The following DNASE1L3 variants were observed in gnomAD, a reference collection of about 807,000 sequenced individuals.
DNASE1L3 encodes the protein deoxyribonuclease 1L3, also known as deoxyribonuclease gamma.
DNASE1L3 carries 27 observed loss-of-function variants against 30.9 expected under a neutral mutation model. The observed-to-expected ratio is 0.87, with a 90% confidence interval of 0.64 to 1.20. DNASE1L3 has a LOEUF of 1.20. Ranked by LOEUF, DNASE1L3 falls within the 50% of genes most tolerant of loss-of-function variation. The probability of loss-of-function intolerance (pLI) is 0.00; values close to 1 mark genes in which losing one functional copy is unlikely to be tolerated. For synonymous variants in DNASE1L3, 135 were observed against 138.0 expected (o/e 0.98, Z 0.15); for missense variants, 364 against 378.2 (o/e 0.96, Z 0.31).
chr3:58,205,019 G>T, intron 3 of DNASE1L3, 138 bp from the exon 4 acceptor site: 4 of 744,108 alleles, frequency 5.4e-6, no homozygotes, highest in Middle Eastern at 2.6e-4. Flanking sequence ...CTGAGAACAA[G>T]GCTAAGTCAA....
At chr3:58,193,589 C>G (rs968614192) in intron 6 of DNASE1L3, 150 bp from the exon 7 acceptor site, 32 of 644,564 alleles carry the variant, frequency 5.0e-5, no homozygotes, top group Non-Finnish European at 7.5e-5. Flanking sequence ...AGCCTGTGAC[C>G]CCAAAGGACA....
At chr3:58,195,613 CAAAAAAAAAAAAAAA>C (rs34773952) in intron 6 of DNASE1L3, among the ~76,000 whole-genome samples, 2 of 38,442 alleles carry the variant, frequency 5.2e-5, no homozygotes, top group Admixed American at 3.2e-4. Flanking sequence ...ACTAAAATTA[CAAAAAAAAAAAAAAA>C]AAAAAAAAAA....
chr3:58,192,699 G>C lies in DNASE1L3; in HGVS notation c.906C>G (p.Ser302Arg), dbSNP rs376419946. The change falls in exon 8 of 8, where the codon AGC becomes AGG. Residue 302 changes from serine (S) to arginine (R), a missense_variant. Transcript: ENST00000394549. This position sits in a 1 kb window ranked among gnomAD's most constrained non-coding sequence, Gnocchi z 4.8. Reference sequence around the variant, plus strand: ...GAGACCCTTGGGTCTAGGAGCGTTTGCTCTTTGTTTTCTTCCTTAGAGTGA... The same window carrying C: ...GAGACCCTTGGGTCTAGGAGCGTTTCCTCTTTGTTTTCTTCCTTAGAGTGA... ...KSVTLRKKTK[S>R]KRS is the part of the protein sequence containing the mutation. 19 of 1,614,018 alleles carry C rather than the reference G, an allele frequency of 1.2e-5. No homozygotes were observed. The highest frequency in any genetic ancestry group is 1.6e-5 in the Non-Finnish European group (19 of 1,179,952).
At position 58,197,799 on chromosome 3, in the gene DNASE1L3, A is replaced by G; in HGVS notation, c.704+22T>C. 13 of 1,613,076 alleles carry G rather than the reference A, an allele frequency of 8.1e-6. No individual in the cohort carries two copies. The highest frequency in any genetic ancestry group is 1.0e-5 in the Non-Finnish European group (12 of 1,179,940). On this transcript the variant is annotated intron_variant, in intron 6 of 7. Transcript: ENST00000394549. This position sits in a 1 kb window ranked among gnomAD's most constrained non-coding sequence, Gnocchi z 5.3. ...ACACCAAGCACTGTGGTGAGCCAGCAGCACCCTGCAGGGCCTCCTACCTGT... is the reference window on the plus strand; with the variant it reads ...ACACCAAGCACTGTGGTGAGCCAGCGGCACCCTGCAGGGCCTCCTACCTGT...
chr3:58,198,122 G>T (rs934291979), intron 5 of DNASE1L3, 144 bp from the exon 6 acceptor site: 2 of 916,844 alleles, frequency 2.2e-6, no homozygotes, highest in African/African-American at 1.7e-5. Context: ...CCCTGCTCCC[G>T]CCCCGGCCAA....
intron 1 of DNASE1L3, among the ~76,000 whole-genome samples, chr3:58,210,111 G>A (rs544916933): frequency 5.0e-4 from 76 of 150,994 alleles, no homozygotes; most frequent in African/African-American, 1.8e-3. Flanking sequence ...GGATGATGAG[G>A]ATGGGAGAGA....
At chr3:58,202,579 C>A (rs1458909415) in intron 4 of DNASE1L3, among the ~76,000 whole-genome samples, 1 of 151,774 alleles carries the variant, frequency 6.6e-6, no homozygotes, top group Non-Finnish European at 1.5e-5. Context: ...ATTGGCCAGG[C>A]GTGTTGGCTT....
chr3:58,207,957 T>C (rs1412919414), intron 2 of DNASE1L3: 5 of 396,798 alleles, frequency 1.3e-5, no homozygotes, highest in African/African-American at 1.0e-4. Flanking sequence ...CTGTACTTTT[T>C]AGCTCAGCCT....
chr3:58,197,847 C>G lies in DNASE1L3; in HGVS notation c.678G>C (p.Lys226Asn), dbSNP rs1347940978. 1 of 1,614,042 alleles carries G rather than the reference C, an allele frequency of 6.2e-7. No individual in the cohort carries two copies. The highest frequency in any genetic ancestry group is 8.5e-7 in the Non-Finnish European group (1 of 1,180,056). ...LIGDQEDTTVKKSTNCAYDRI... is the reference protein window; with the variant it reads ...LIGDQEDTTVNKSTNCAYDRI... ...TGTCATATGCACAGTTGGTGCTCTT[C>G]TTCACCGTGGTGTCCTCTTGGTCCC... is the stretch of plus-strand genomic sequence containing the variant. Residue 226 changes from lysine (K) to asparagine (N), a missense_variant, in exon 6 of 8, where the codon AAG becomes AAC. By Grantham distance (94) the Lys-to-Asn change is moderately conservative. Transcript: ENST00000394549. This position sits in a 1 kb window ranked among gnomAD's most constrained non-coding sequence, Gnocchi z 5.3.
intron 1 of DNASE1L3, among the ~76,000 whole-genome samples, chr3:58,209,633 G>A (rs2097406355): frequency 6.6e-6 from 1 of 152,234 alleles, no homozygotes; most frequent in Non-Finnish European, 1.5e-5. Context: ...CAACAGCAGC[G>A]GCTCTGGCTC....
chr3:58,209,010 T>G (rs1437494470), intron 1 of DNASE1L3, among the ~76,000 whole-genome samples: 1 of 152,164 alleles, frequency 6.6e-6, no homozygotes, highest in African/African-American at 2.4e-5. Flanking sequence ...GAGGCCAAGA[T>G]GGGCAGATCA....
At chr3:58,208,195 G>A (rs1484960027) in intron 2 of DNASE1L3, 23 bp downstream of exon 2, 3 of 1,612,576 alleles carry the variant, frequency 1.9e-6, no homozygotes, top group Non-Finnish European at 2.5e-6. Context: ...GAGCCCTAGA[G>A]GGCCCACCCT....
At position 58,192,774 on chromosome 3, in the gene DNASE1L3, A is replaced by C. The variant is rs2097394983; in HGVS notation, c.831T>G (p.Val277=). ...EALDVSDHFP[V]EFKLQSSRAF... is the part of the protein sequence containing the mutation. ...CCCTTGAAGACTGTAGTTTAAATTC[A>C]ACTGGAAAGTGGTCGCTGACATCCA... is the stretch of plus-strand genomic sequence containing the variant. Residue 277 remains valine (V), a synonymous_variant, in exon 8 of 8, where the codon GTT becomes GTG. Transcript: ENST00000394549. This position sits in a 1 kb window ranked among gnomAD's most constrained non-coding sequence, Gnocchi z 4.8. The C allele has an allele frequency of 6.2e-7, 1 of 1,613,998 alleles. No individual in the cohort carries two copies. The highest frequency in any genetic ancestry group is 1.3e-5 in the African/African-American group (1 of 74,910).
chr3:58,207,766 A>G (rs1269457655), intron 2 of DNASE1L3: 1 of 162,224 alleles, frequency 6.2e-6, no homozygotes, highest in Non-Finnish European at 1.4e-5. Context: ...GGCTCAAGCG[A>G]TCCTCCCACC....
chr3:58,192,515 A>G lies in DNASE1L3; in HGVS notation c.*172T>C, dbSNP rs934496562. 1 of 657,720 alleles carries G rather than the reference A, an allele frequency of 1.5e-6. No individual in the cohort carries two copies. The highest frequency in any genetic ancestry group is 2.5e-6 in the Non-Finnish European group (1 of 400,812). The allele number at this position is 657,720 out of a possible 1,614,324, so 40.7% of individuals were successfully genotyped here. A position where few individuals can be genotyped will look rare whatever the true frequency, so the allele number is the denominator to read the frequency against. ...ACAATTCAGGGGAGGTATGAGACCA[A>G]GAGAGATACAAAAGATTCTCCTTCC... On this transcript the variant is annotated 3_prime_UTR_variant, in exon 8 of 8. Transcript: ENST00000394549. The surrounding 1 kb of genome is among the most constrained non-coding windows in gnomAD (Gnocchi z 4.8).
chr3:58,205,264 C>T (rs2097403175), intron 3 of DNASE1L3, among the ~76,000 whole-genome samples: 1 of 152,194 alleles, frequency 6.6e-6, no homozygotes, highest in Non-Finnish European at 1.5e-5. Flanking sequence ...TGGAGCCAAC[C>T]AACAAATTAG....
chr3:58,195,075 G>C (rs1245867913), intron 6 of DNASE1L3, among the ~76,000 whole-genome samples: 1 of 152,216 alleles, frequency 6.6e-6, no homozygotes, highest in Non-Finnish European at 1.5e-5. Flanking sequence ...TGCAGGACCA[G>C]GCCAGTGTTC....
rs557883775 is a variant in DNASE1L3, at chr3:58,201,059, C to A, written c.484G>T (p.Val162Phe). Residue 162 changes from valine (V) to phenylalanine (F), a missense_variant, in exon 5 of 8, where the codon GTT becomes TTT. Val to Phe is a conservative substitution (Grantham distance 50). Coordinates refer to ENST00000394549, the MANE Select transcript of DNASE1L3 (RefSeq NM_004944.4). ...IPLHTTPETS[V>F]KEIDELVEVY... ...TCAACCAACTCATCGATCTCCTTAA[C>A]GGATGTCTCTGGGGTGGTGTGCAGG... 2.5e-6 allele frequency: 4 copies of A among 1,613,332 alleles called. No homozygotes were observed. In the South Asian group the frequency reaches 4.4e-5, roughly 18 times the overall value.
rs78255288 is a variant in DNASE1L3, at chr3:58,198,570, C to A, written c.547-592G>T. 5.7e-3 allele frequency among the ~76,000 whole-genome samples: 864 copies of A among 152,200 alleles called. 10 individuals are homozygous for A. Among genetic ancestry groups the A allele is most frequent in the African/African-American group, 0.019 (788 of 41,504 alleles). ...TTGATGAGTCGATGACAGGCGAGTG[C>A]GTACCAGGGAGGATGTTCTTAACAG... On this transcript the variant is annotated intron_variant, in intron 5 of 7. Transcript: ENST00000394549.
Sources: gnomAD v4.1 joint callset for allele counts (sites outside exome capture counted in the v4.1 genomes callset) on GRCh38, gnomAD v4.1.1 for gene constraint, Gnocchi (gnomAD v3.1) non-coding constraint, MANE v1.5 for transcripts, NCBI Gene and HGNC (gene_info 2026-07-23, HGNC 2026-07-21) for gene names.